Variants in PRKACB observed in about 807,000 individuals in gnomAD.
The protein encoded by PRKACB is protein kinase cAMP-activated catalytic subunit beta.
In PRKACB, 16 loss-of-function variants were observed where a neutral mutation model predicts 51.4. The observed-to-expected ratio is 0.31, with a 90% CI of 0.21 to 0.47. The LOEUF is 0.47. Among genes scored for constraint, PRKACB ranks in the 20% least tolerant of loss-of-function variants. The probability of loss-of-function intolerance (pLI) is 1.00; values close to 1 mark genes in which losing one functional copy is unlikely to be tolerated. For synonymous variants in PRKACB, 147 were observed against 154.4 expected, an observed-to-expected ratio of 0.95 and a Z score of 0.35; for missense variants, 309 against 464.5, an observed-to-expected ratio of 0.67 and a Z score of 3.08.
chr1:84,165,957 A>T (rs1181325664), intron 1 of PRKACB, among the ~76,000 whole-genome samples: 1 of 151,722 alleles, frequency 6.6e-6, no homozygotes, highest in Non-Finnish European at 1.5e-5. Context: ...TTAGAAACTG[A>T]AAGGTGGATT....
intron 1 of PRKACB, among the ~76,000 whole-genome samples, chr1:84,131,134 A>G (rs1300607143): frequency 1.3e-5 from 2 of 152,100 alleles, no homozygotes; most frequent in Non-Finnish European, 2.9e-5. Context: ...AGGCAGGGGG[A>G]TCACCTGAGG....
intron 1 of PRKACB, chr1:84,164,726 G>A (rs1310624296): frequency 2.2e-6 from 3 of 1,375,630 alleles, no homozygotes; most frequent in Admixed American, 3.1e-5. Context: ...GTATATGAAG[G>A]AGGCTGGGAT....
In PRKACB at chr1:84,199,079, ATATATATGCG is replaced by A. The variant is rs1160090838; in HGVS notation, c.783+1265_783+1274del. On this transcript the variant is annotated intron_variant, in intron 7 of 9. Transcript: ENST00000370685. Reference sequence around the variant, plus strand: ...TATATGCGTATATATGCATATATGTATATATATGCGTATATATGCATATATGTATATATAT... The same window carrying A: ...TATATGCGTATATATGCATATATGTATATATATGCATATATGTATATATAT... Among the ~76,000 whole-genome samples the A allele has an allele frequency of 4.2e-5, 6 of 142,258 alleles. No individual in the cohort carries two copies. In the East Asian group the frequency reaches 1.0e-3, roughly 24 times the overall value. 93.3% of individuals were successfully genotyped at this position (142,258 alleles called of 152,430 possible). A position where few individuals can be genotyped will look rare whatever the true frequency, so the allele number is the denominator to read the frequency against.
At position 84,214,262 on chromosome 1, in the gene PRKACB, T is replaced by C; in HGVS notation, c.1016T>C (p.Ile339Thr). The C allele has an allele frequency of 1.2e-6, 2 of 1,613,092 alleles. No homozygotes were observed. Among genetic ancestry groups the C allele is most frequent in the Non-Finnish European group, 1.7e-6 (2 of 1,179,568 alleles). The stretch of plus-strand genomic sequence containing the variant: ...AATCTAAAGAATGGTGTCAGTGATA[T>C]AAAAACTCACAAGTGGTTTGCCACG... ...FGNLKNGVSDIKTHKWFATTD... is the reference protein window; with the variant it reads ...FGNLKNGVSDTKTHKWFATTD... Residue 339 changes from isoleucine (I) to threonine (T), a missense_variant, in exon 9 of 10, where the codon ATA becomes ACA. Physicochemically the swap from Ile to Thr is moderately conservative, Grantham distance 89. Transcript: ENST00000370685.
chr1:84,170,318 A>C (rs578241913), intron 1 of PRKACB, among the ~76,000 whole-genome samples: 2 of 151,534 alleles, frequency 1.3e-5, no homozygotes, highest in Middle Eastern at 3.2e-3. Flanking sequence ...AGAAAATAAA[A>C]CCTCTCCACT....
chr1:84,232,802 G>T (rs1316849064), intron 9 of PRKACB, among the ~76,000 whole-genome samples: 1 of 152,040 alleles, frequency 6.6e-6, no homozygotes, highest in Non-Finnish European at 1.5e-5. Context: ...GAGCCTATGT[G>T]TGTCTCTGCA....
chr1:84,099,892 T>C (rs1435435731), intron 1 of PRKACB, among the ~76,000 whole-genome samples: 3 of 152,138 alleles, frequency 2.0e-5, no homozygotes, highest in African/African-American at 7.2e-5. Flanking sequence ...ATGGTCTATA[T>C]AGATTAGGCT....
intron 1 of PRKACB, among the ~76,000 whole-genome samples, chr1:84,106,141 A>G (rs1649727228): frequency 6.6e-6 from 1 of 152,152 alleles, no homozygotes; most frequent in Non-Finnish European, 1.5e-5. Context: ...ATGTATTTTG[A>G]TATCCAGAGG....
At chr1:84,078,848 C>T (rs1647299596) in intron 1 of PRKACB, among the ~76,000 whole-genome samples, 1 of 152,186 alleles carries the variant, frequency 6.6e-6, no homozygotes, top group African/African-American at 2.4e-5. Flanking sequence ...GCAAGTGAGG[C>T]TAATCCTGAG....
upstream of PRKACB, among the ~76,000 whole-genome samples, chr1:84,142,826 T>C (rs2100593251): frequency 6.6e-6 from 1 of 152,362 alleles, no homozygotes; most frequent in East Asian, 1.9e-4. Flanking sequence ...CAGTGTTTTC[T>C]TATTGGCCTT....
At chr1:84,115,333 A>G (rs1214486909) in intron 1 of PRKACB, among the ~76,000 whole-genome samples, 1 of 152,016 alleles carries the variant, frequency 6.6e-6, no homozygotes, top group Non-Finnish European at 1.5e-5. Context: ...TTCTTTTGCA[A>G]AATGTCTACT....
chr1:84,203,412 A>G (rs1430940184), intron 8 of PRKACB, among the ~76,000 whole-genome samples: 1 of 151,970 alleles, frequency 6.6e-6, no homozygotes, highest in African/African-American at 2.4e-5. Context: ...ATTTCTTCAT[A>G]AACCTTCCTT....
In PRKACB at chr1:84,113,971, A is replaced by G. The variant is rs373813367; in HGVS notation, c.46+35600A>G. ...CCGAATTTTACATTTAAAACTGGCG[A>G]AATTTGTGGTACATAAGTTATCTCA... On this transcript the variant is annotated intron_variant, in intron 1 of 8. Transcript: ENST00000370688. 5.3e-5 allele frequency among the ~76,000 whole-genome samples: 8 copies of G among 152,168 alleles called. No homozygotes were observed. The East Asian group carries it at 1.2e-3, about 22-fold the overall frequency.
At chr1:84,098,877 A>G (rs1649126588) in intron 1 of PRKACB, among the ~76,000 whole-genome samples, 1 of 152,058 alleles carries the variant, frequency 6.6e-6, no homozygotes, top group South Asian at 2.1e-4. Flanking sequence ...TTAAGGAGGA[A>G]AAAAGATAAT....
At chr1:84,217,979 T>C (rs1673118256) in intron 9 of PRKACB, among the ~76,000 whole-genome samples, 1 of 152,202 alleles carries the variant, frequency 6.6e-6, no homozygotes. Context: ...ATTAAATTAA[T>C]ATATACATCT....
chr1:84,124,607 A>G (rs1411510727), intron 1 of PRKACB, among the ~76,000 whole-genome samples: 6 of 152,214 alleles, frequency 3.9e-5, no homozygotes, highest in South Asian at 2.1e-4. Flanking sequence ...CTGTGGAGTC[A>G]GGCAACTACA....
Position 84,144,300 on chromosome 1 carries a change from A to T in PRKACB, c.-62A>T. Reference sequence around the variant, plus strand: ...GCATAGCTCTTAGCTTCTGTGTAAGAAGTTGTGAGCTCCTTCTGGAAACAT... The same window carrying T: ...GCATAGCTCTTAGCTTCTGTGTAAGTAGTTGTGAGCTCCTTCTGGAAACAT... On this transcript the variant is annotated 5_prime_UTR_variant, in exon 1 of 10. Transcript: ENST00000370685. 2 of 1,581,298 alleles carry T rather than the reference A, an allele frequency of 1.3e-6. No homozygotes were observed. Among genetic ancestry groups the T allele is most frequent in the South Asian group, 2.3e-5 (2 of 86,092 alleles).
intron 4 of PRKACB, among the ~76,000 whole-genome samples, chr1:84,184,817 C>T (rs1037251336): frequency 3.3e-5 from 5 of 151,560 alleles, no homozygotes; most frequent in African/African-American, 7.3e-5. Flanking sequence ...TATATTATAA[C>T]GTTACTTCAT....
At chr1:84,216,045 A>G (rs1429464170) in intron 9 of PRKACB, among the ~76,000 whole-genome samples, 2 of 152,120 alleles carry the variant, frequency 1.3e-5, no homozygotes, top group Non-Finnish European at 2.9e-5. Context: ...AAATGATTAC[A>G]GTAACAAGCT....
Sources: gnomAD v4.1 joint callset for allele counts (sites outside exome capture counted in the v4.1 genomes callset) on GRCh38, gnomAD v4.1.1 for gene constraint, MANE v1.5 for transcripts, NCBI Gene and HGNC (gene_info 2026-07-23, HGNC 2026-07-21) for gene names.